Variants in TAF1 observed in about 807,000 individuals in gnomAD.
TAF1 encodes TATA-box binding protein associated factor 1, also known as transcription initiation factor TFIID subunit 1.
Under a neutral mutation model 138.5 loss-of-function variants are expected in TAF1, and 2 were observed. The observed-to-expected ratio is 0.01, with a 90% CI of 0.01 to 0.05. TAF1 has a LOEUF of 0.05. Ranked by LOEUF, TAF1 falls within the 10% of genes least tolerant of loss-of-function variation. TAF1 has a pLI of 1.00. For synonymous variants in TAF1, 437 were observed against 503.2 expected (o/e 0.87, Z 1.76); for missense variants, 709 against 1,478.0 (o/e 0.48, Z 8.53).
intron 13 of TAF1, chrX:71,491,014 G>GTTTT (rs201295760): frequency 1.0e-5 from 1 of 99,841 alleles, no homozygotes; most frequent in East Asian, 3.2e-4. Context: ...ACCAAGCTGG[G>GTTTT]TTTTTTTGTT....
At chrX:71,432,887 ATTACT>A (rs2036960051) in intron 32 of TAF1, among the ~76,000 whole-genome samples, 1 of 111,945 alleles carries the variant, frequency 8.9e-6, no homozygotes, top group Non-Finnish European at 1.9e-5. Context: ...TTCTTACCAA[ATTACT>A]TTATATCCCC....
At position 71,378,910 on chromosome X, in the gene TAF1, T is replaced by G. The variant is rs760134795; in HGVS notation, c.1239T>G (p.Asp413Glu). 21 of 1,208,477 alleles carry G rather than the reference T, an allele frequency of 1.7e-5. No individual in the cohort carries two copies. In the South Asian group the frequency reaches 3.7e-4, roughly 21 times the overall value. The change falls in exon 8 of 38, where the codon GAT becomes GAG. Residue 413 changes from aspartate to glutamate, a missense_variant. By Grantham distance (45) the Asp-to-Glu change is conservative. Coordinates refer to ENST00000423759, the MANE Select transcript of TAF1 (RefSeq NM_004606.5). ...FLMVTQLHWE[D>E]DIIWDGEDVK... ...TGGTGACACAGCTGCATTGGGAGGATGATATCATCTGGGATGGGGAGGATG... is the reference window on the plus strand; with the variant it reads ...TGGTGACACAGCTGCATTGGGAGGAGGATATCATCTGGGATGGGGAGGATG...
At chrX:71,394,295 G>A (rs747887011) in intron 22 of TAF1, 50 bp downstream of exon 22, 12 of 1,139,556 alleles carry the variant, frequency 1.1e-5, no homozygotes, top group African/African-American at 9.1e-5. Context: ...GGTTAAAAAA[G>A]GAGCCTACGT....
At chrX:71,508,086 C>CTCTCTCTCTATATATA (rs4040068) in intron 13 of TAF1, among the ~76,000 whole-genome samples, 43 of 92,171 alleles carry the variant, frequency 4.7e-4, no homozygotes, top group African/African-American at 1.6e-3. Context: ...CTCTCTCTCT[C>CTCTCTCTCTATATATA]TATATATATA....
chrX:71,471,318 TAAAA>T (rs1210578907), intron 13 of TAF1, among the ~76,000 whole-genome samples: 5 of 84,888 alleles, frequency 5.9e-5, no homozygotes, highest in Non-Finnish European at 9.0e-5. Context: ...AGACTCCGTC[TAAAA>T]AAAAAAAAAA....
chrX:71,489,354 A>AC (rs2039232792), intron 13 of TAF1, among the ~76,000 whole-genome samples: 1 of 110,749 alleles, frequency 9.0e-6, no homozygotes, highest in East Asian at 2.8e-4. Context: ...AATAGAAAAT[A>AC]AAGTTCCTGG....
intron 3 of TAF1, among the ~76,000 whole-genome samples, chrX:71,368,418 A>T (rs1256729303): frequency 9.0e-6 from 1 of 111,703 alleles, no homozygotes; most frequent in East Asian, 2.8e-4. Flanking sequence ...TTAGTTAATG[A>T]CAAGTAGCTT....
chrX:71,394,593 A>G (rs1018550802), intron 22 of TAF1, among the ~76,000 whole-genome samples: 1 of 112,505 alleles, frequency 8.9e-6, no homozygotes, highest in Non-Finnish European at 1.9e-5. Flanking sequence ...TATCTTTGAA[A>G]CTTCTGAAAT....
At chrX:71,458,468 A>G in intron 35 of TAF1, 102 bp downstream of exon 35, 1 of 1,062,341 alleles carries the variant, frequency 9.4e-7, no homozygotes, top group Middle Eastern at 2.6e-4. Flanking sequence ...GTCAAGAATG[A>G]CTGGGCCCTT....
intron 13 of TAF1, among the ~76,000 whole-genome samples, chrX:71,516,579 C>A (rs1404669835): frequency 9.4e-6 from 1 of 106,005 alleles, no homozygotes; most frequent in African/African-American, 3.5e-5. Flanking sequence ...GAGTTCAAGG[C>A]TACAGTGAGC....
At chrX:71,496,527 CTCTT>C (rs1182572983) in intron 13 of TAF1, among the ~76,000 whole-genome samples, 2 of 110,206 alleles carry the variant, frequency 1.8e-5, no homozygotes, top group African/African-American at 6.6e-5. Context: ...CTCTCTTTGA[CTCTT>C]TCTTTGTCTC....
Position 71,500,482 on chromosome X carries a change from A to G in TAF1, c.1367-28060A>G, listed in dbSNP as rs747373601. Among the ~76,000 whole-genome samples the G allele has an allele frequency of 1.5e-4, 17 of 110,678 alleles. No homozygotes were observed. In the East Asian group the frequency reaches 4.9e-3, roughly 32 times the overall value. ...GCCTGTTGATGCCTGAGTGTTTCCTATCTGAAAGAAAAAACCACCCATGGT... is the reference window on the plus strand; with the variant it reads ...GCCTGTTGATGCCTGAGTGTTTCCTGTCTGAAAGAAAAAACCACCCATGGT... On this transcript the variant is annotated intron_variant and NMD_transcript_variant, in intron 13 of 14. Coordinates refer to the TAF1 transcript ENST00000373775.
At chrX:71,518,751 A>G (rs1204370323) in intron 13 of TAF1, among the ~76,000 whole-genome samples, 1 of 87,189 alleles carries the variant, frequency 1.1e-5, no homozygotes, top group East Asian at 3.6e-4. Context: ...GCTGGAGTGC[A>G]GTGGCGCAAT....
intron 13 of TAF1, among the ~76,000 whole-genome samples, chrX:71,476,805 A>C (rs2147500777): frequency 8.9e-6 from 1 of 111,829 alleles, no homozygotes; most frequent in East Asian, 2.8e-4. Flanking sequence ...GTAGCATTGC[A>C]GATTATTCAA....
chrX:71,378,565 A>G, intron 7 of TAF1, 112 bp downstream of exon 7: 2 of 918,506 alleles, frequency 2.2e-6, no homozygotes, highest in South Asian at 2.4e-5. Context: ...CTTTGGTGGG[A>G]GATTGAGGTG....
intron 13 of TAF1, among the ~76,000 whole-genome samples, chrX:71,513,578 G>A (rs903349851): frequency 9.0e-6 from 1 of 111,204 alleles, no homozygotes; most frequent in Non-Finnish European, 1.9e-5. Context: ...AGAGAGTCAA[G>A]CATGGGGTTA....
chrX:71,406,688 A>G lies in TAF1; in HGVS notation c.4049A>G (p.Gln1350Arg), dbSNP rs1359831496. The part of the protein sequence containing the change: ...KSLVLKFPKQ[Q>R]LPPKKKRRVG... Reference sequence around the variant, plus strand: ...CTGGTTCTCAAGTTTCCTAAACAGCAGCTTCCTCCAAAGAAGAAACGGCGA... The same window carrying G: ...CTGGTTCTCAAGTTTCCTAAACAGCGGCTTCCTCCAAAGAAGAAACGGCGA... The change falls in exon 26 of 38, where the codon CAG becomes CGG. Residue 1350 changes from glutamine (Q) to arginine (R), a missense_variant. Around this residue, in one of 14 missense-constraint regions of TAF1, gnomAD observed 63 missense variants for 163.3 expected, o/e 0.39. Coordinates refer to ENST00000423759, the MANE Select transcript of TAF1 (RefSeq NM_004606.5). 8.3e-7 allele frequency: 1 copy of G among 1,211,059 alleles called. No homozygotes were observed. The highest frequency in any genetic ancestry group is 1.1e-6 in the Non-Finnish European group (1 of 895,291).
At chrX:71,366,883 A>G (rs28382147) in intron 1 of TAF1, among the ~76,000 whole-genome samples, 3,881 of 111,189 alleles carry the variant, frequency 0.035, 174 homozygotes, top group African/African-American at 0.12. Context: ...GAGCCAGAGG[A>G]CTGGACAGGA....
At position 71,465,006 on chromosome X, in the gene TAF1, G is replaced by C. The variant is rs1436038112; in HGVS notation, c.*960G>C. 1 of 106,530 alleles carries C rather than the reference G, an allele frequency of 9.4e-6. No individual in the cohort carries two copies. Among genetic ancestry groups the C allele is most frequent in the East Asian group, 3.1e-4 (1 of 3,278 alleles). 8.8% of individuals were successfully genotyped at this position (106,530 alleles called of 1,213,427 possible). A position where few individuals can be genotyped will look rare whatever the true frequency, so the allele number is the denominator to read the frequency against. On this transcript the variant is annotated 3_prime_UTR_variant, in exon 38 of 38. Transcript: ENST00000423759. ...CCCCAGGGGAAATGGTAGGAAAATG[G>C]TAAGTTTCTTAGGGCAAAGACTGTG...
Sources: gnomAD v4.1 joint callset for allele counts (sites outside exome capture counted in the v4.1 genomes callset) on GRCh38, gnomAD v4.1.1 for gene constraint, gnomAD v4.1.1 regional missense constraint, MANE v1.5 for transcripts, NCBI Gene and HGNC (gene_info 2026-07-23, HGNC 2026-07-21) for gene names.